The following MYOF variants were observed in gnomAD, a reference collection of about 807,000 sequenced individuals.
The protein encoded by MYOF is fer-1-like 3, myoferlin.
MYOF carries 244 observed loss-of-function variants against 284.2 expected under a neutral mutation model. The observed-to-expected ratio is 0.86, with a 90% CI of 0.77 to 0.95. The LOEUF is 0.95. Ranked by LOEUF, MYOF falls within the 40% of genes least tolerant of loss-of-function variation. The pLI is 0.00. For synonymous variants in MYOF, 904 were observed against 919.7 expected (o/e 0.98, Z 0.31); for missense variants, 2,496 against 2,560.6 (o/e 0.97, Z 0.54).
intron 1 of MYOF, among the ~76,000 whole-genome samples, chr10:93,478,840 A>AAAAGAAAGAAAGAAAGAAAG (rs1333378368): frequency 1.3e-5 from 1 of 78,052 alleles, no homozygotes; most frequent in African/African-American, 5.1e-5. Context: ...AAAAAAAAAA[A>AAAAGAAAGAAAGAAAGAAAG]AAAGAAAGAA....
intron 21 of MYOF, among the ~76,000 whole-genome samples, chr10:93,377,771 T>G (rs538101113): frequency 6.6e-6 from 1 of 152,320 alleles, no homozygotes; most frequent in African/African-American, 2.4e-5. Flanking sequence ...CACAGTGGTT[T>G]ATCTACAGAT....
At chr10:93,437,070 A>G (rs1329076187) in intron 3 of MYOF, among the ~76,000 whole-genome samples, 1 of 152,212 alleles carries the variant, frequency 6.6e-6, no homozygotes, top group Non-Finnish European at 1.5e-5. Context: ...AGAAAAAGCC[A>G]GTCATGCTCC....
rs547010149 is a variant in MYOF, at chr10:93,372,228, A to G, written c.2457+702T>C. 8.5e-5 allele frequency among the ~76,000 whole-genome samples: 13 copies of G among 152,298 alleles called. No individual in the cohort carries two copies. In the East Asian group the frequency reaches 2.5e-3, roughly 29 times the overall value. ...GGCCAGAGAGATGACGTCAAAACAT[A>G]TAGATGGGAACTATTCTGATTTCTT... On this transcript the variant is annotated intron_variant, in intron 24 of 53. Coordinates refer to ENST00000359263, the MANE Select transcript of MYOF (RefSeq NM_013451.4).
intron 9 of MYOF, 73 bp downstream of exon 9, chr10:93,403,950 A>G (rs753448163): frequency 1.3e-5 from 20 of 1,518,014 alleles, no homozygotes; most frequent in Non-Finnish European, 1.7e-5. Context: ...AGATGCGTAC[A>G]TAGGAATCAG....
chr10:93,333,512 CA>C (rs1350251276), intron 42 of MYOF, among the ~76,000 whole-genome samples, 200 bp from the exon 43 acceptor site: 2 of 123,654 alleles, frequency 1.6e-5, no homozygotes, highest in Non-Finnish European at 3.6e-5. Context: ...GGGGTGGTGG[CA>C]GGGGGCGGGG....
At chr10:93,462,036 C>T (rs1226178354) in intron 1 of MYOF, among the ~76,000 whole-genome samples, 1 of 151,864 alleles carries the variant, frequency 6.6e-6, no homozygotes, top group Non-Finnish European at 1.5e-5. Context: ...GAGGTTGATG[C>T]TAATGGCATT....
intron 1 of MYOF, among the ~76,000 whole-genome samples, chr10:93,465,539 T>TTTTTTA (rs1554873028): frequency 7.1e-5 from 1 of 14,106 alleles, no homozygotes; most frequent in Non-Finnish European, 2.6e-4. Context: ...TTTTCTTTTC[T>TTTTTTA]TTTTTTTTTT....
At chr10:93,440,850 C>CA (rs1042794734) in intron 3 of MYOF, among the ~76,000 whole-genome samples, 2 of 152,152 alleles carry the variant, frequency 1.3e-5, no homozygotes, top group Non-Finnish European at 2.9e-5. Context: ...AGGGCTGTGG[C>CA]CCAATCTTAT....
chr10:93,327,391 G>GGTAA lies in MYOF; in HGVS notation c.5131+1368_5131+1371dup, dbSNP rs1306024374. Among the ~76,000 whole-genome samples, 11 of 152,214 alleles carry GGTAA rather than the reference G, an allele frequency of 7.2e-5. No homozygotes were observed. The East Asian group carries it at 2.1e-3, about 29-fold the overall frequency. On this transcript the variant is annotated intron_variant, in intron 45 of 53. Transcript: ENST00000359263. ...GCAAAGGGACCAGAACTCCAGATCC[G>GGTAA]GTAAGTGGGAGCATTCTGTATATAC...
At position 93,422,652 on chromosome 10, in the gene MYOF, C is replaced by T. The variant is rs199899461; in HGVS notation, c.433+3419G>A. Among the ~76,000 whole-genome samples the T allele has an allele frequency of 5.3e-5, 8 of 152,156 alleles. No homozygotes were observed. The East Asian group carries it at 9.6e-4, about 18-fold the overall frequency. On this transcript the variant is annotated intron_variant, in intron 5 of 53. Coordinates refer to ENST00000359263, the MANE Select transcript of MYOF (RefSeq NM_013451.4). ...ACTCTACTAAAAATACAAAATTAGC[C>T]GGGCATAGTGGTGCACACCTGTAAT... is the stretch of plus-strand genomic sequence containing the variant.
intron 18 of MYOF, 123 bp from the exon 19 acceptor site, chr10:93,388,036 G>C: frequency 1.4e-6 from 1 of 725,756 alleles, no homozygotes; most frequent in Non-Finnish European, 2.4e-6. Flanking sequence ...CCTTCGAAAT[G>C]AATCAGTCGG....
In MYOF at chr10:93,310,135, T is replaced by A; in HGVS notation, c.6032A>T (p.Asn2011Ile). Reference sequence around the variant, plus strand: ...GATGAACTTCATGGTCTTGCATGGGTTGGTGAACCAGAGGAAGGAGGTTTC... The same window carrying A: ...GATGAACTTCATGGTCTTGCATGGGATGGTGAACCAGAGGAAGGAGGTTTC... ...RPETSFLWFT[N>I]PCKTMKFIVW... The change falls in exon 53 of 54, where the codon AAC (asparagine) becomes ATC (isoleucine). Residue 2011 changes from asparagine to isoleucine, a missense_variant. By Grantham distance (149) the Asn-to-Ile change is moderately radical (BLOSUM62 -3). Coordinates refer to ENST00000359263, the MANE Select transcript of MYOF (RefSeq NM_013451.4). 1 of 1,614,140 alleles carries A rather than the reference T, an allele frequency of 6.2e-7. No individual in the cohort carries two copies. The highest frequency in any genetic ancestry group is 8.5e-7 in the Non-Finnish European group (1 of 1,179,998).
At chr10:93,384,646 GAAAA>G (rs74741758) in intron 19 of MYOF, among the ~76,000 whole-genome samples, 1 of 142,712 alleles carries the variant, frequency 7.0e-6, no homozygotes, top group African/African-American at 2.6e-5. Context: ...CTCTGTCTCA[GAAAA>G]AAAAAAAAAA....
Position 93,310,044 on chromosome 10 carries a change from C to T in MYOF, c.6123G>A (p.Val2041=), listed in dbSNP as rs1173903235. The T allele has an allele frequency of 2.5e-5, 40 of 1,613,932 alleles. No individual in the cohort carries two copies. The highest frequency in any genetic ancestry group is 3.3e-5 in the Non-Finnish European group (39 of 1,180,026). Residue 2041 remains valine (V), a synonymous_variant, in exon 53 of 54, where the codon GTG becomes GTA. Transcript: ENST00000359263. The part of the protein sequence containing the change: ...LLFLLILLLF[V]AVLLYSLPNY... ...CCGGCAAAGAGTAGAGGAGCACGGC[C>T]ACGAAGAGCAGCAGGATAAGCAGGA...
chr10:93,458,179 C>CCCAT (rs2056789648), intron 1 of MYOF, among the ~76,000 whole-genome samples: 1 of 151,380 alleles, frequency 6.6e-6, no homozygotes, highest in Non-Finnish European at 1.5e-5. Flanking sequence ...ATAATGAAAC[C>CCCAT]CCATCTCTAC....
chr10:93,403,690 G>C (rs1213561894), intron 9 of MYOF, among the ~76,000 whole-genome samples: 1 of 152,198 alleles, frequency 6.6e-6, no homozygotes, highest in Non-Finnish European at 1.5e-5. Flanking sequence ...CTTTGCAGAT[G>C]GAGCTTTGGG....
intron 5 of MYOF, 140 bp from the exon 6 acceptor site, chr10:93,409,879 T>A (rs1847827330): frequency 2.0e-6 from 2 of 1,021,816 alleles, no homozygotes; most frequent in Non-Finnish European, 2.9e-6. Flanking sequence ...ATCCTCTTGG[T>A]GACACTGACT....
rs374561844 is a variant in MYOF at position 93,416,526 on chromosome 10, AAAAAAG to A, written c.434-6793_434-6788del. Reference sequence around the variant, plus strand: ...CAACAGAGCGAGACTCCATCTGAAGAAAAAAGAAAAAGAAAAAGAAACTTCTCTCAT... The same window carrying A: ...CAACAGAGCGAGACTCCATCTGAAGAAAAAAGAAAAAGAAACTTCTCTCAT... On this transcript the variant is annotated intron_variant, in intron 5 of 53. Coordinates refer to ENST00000359263, the MANE Select transcript of MYOF (RefSeq NM_013451.4). Among the ~76,000 whole-genome samples, 531 of 152,086 alleles carry A rather than the reference AAAAAAG, an allele frequency of 3.5e-3. 4 individuals carry two copies. Among genetic ancestry groups the A allele is most frequent in the African/African-American group, 0.012 (511 of 41,462 alleles).
chr10:93,353,961 A>G, intron 31 of MYOF, 73 bp from the exon 32 acceptor site: 1 of 1,197,478 alleles, frequency 8.4e-7, no homozygotes, highest in Admixed American at 2.1e-5. Flanking sequence ...GAATATTTGG[A>G]AAAAATACAT....
Sources: gnomAD v4.1 joint callset for allele counts (sites outside exome capture counted in the v4.1 genomes callset) on GRCh38, gnomAD v4.1.1 for gene constraint, MANE v1.5 for transcripts, NCBI Gene and HGNC (gene_info 2026-07-23, HGNC 2026-07-21) for gene names.